The following ANKFN1 variants were observed in gnomAD, a reference collection of about 807,000 sequenced individuals.
ANKFN1 encodes ankyrin repeat and fibronectin type III domain containing 1, also known as ankyrin repeat and fibronectin type-III domain-containing protein 1.
Under a neutral mutation model 108.7 loss-of-function variants are expected in ANKFN1, and 74 were observed. The observed-to-expected ratio is 0.68, with a 90% CI of 0.56 to 0.83. The LOEUF (loss-of-function observed/expected upper bound fraction) is 0.83, where lower values mean the gene tolerates loss of function less well. ANKFN1 is among the 40% of genes least tolerant of loss of function. ANKFN1 has a pLI of 0.00. For missense variants in ANKFN1, 1,505 were observed against 1,382.3 expected (o/e 1.09, Z -1.41); for synonymous variants, 547 against 516.2 (o/e 1.06, Z -0.81).
intron 8 of ANKFN1, among the ~76,000 whole-genome samples, chr17:56,418,764 A>G (rs1055728124): frequency 1.3e-5 from 2 of 151,674 alleles, no homozygotes; most frequent in Non-Finnish European, 2.9e-5. Flanking sequence ...CTCCCAGTTC[A>G]TTATATTTCC....
chr17:56,159,952 CAGGGCAGG>C (rs1026360468), intron 1 of ANKFN1, among the ~76,000 whole-genome samples: 2 of 118,474 alleles, frequency 1.7e-5, no homozygotes, highest in African/African-American at 6.6e-5. Context: ...GGGGTGGGGG[CAGGGCAGG>C]AGGGCAGGGC....
chr17:56,127,602 C>A (rs1486362455), intron 4 of ANKFN1, among the ~76,000 whole-genome samples: 1 of 152,100 alleles, frequency 6.6e-6, no homozygotes, highest in Non-Finnish European at 1.5e-5. Flanking sequence ...GTGTGAGCCA[C>A]CGCACCCGGC....
intron 8 of ANKFN1, among the ~76,000 whole-genome samples, chr17:56,381,698 G>T (rs1018019635): frequency 3.3e-5 from 5 of 152,158 alleles, no homozygotes; most frequent in Non-Finnish European, 5.9e-5. Flanking sequence ...GATAGAAGAT[G>T]AAATGAATGA....
intron 1 of ANKFN1, among the ~76,000 whole-genome samples, chr17:56,172,117 GGTAA>G (rs1413212870): frequency 2.0e-5 from 3 of 152,192 alleles, no homozygotes; most frequent in East Asian, 1.9e-4. Flanking sequence ...TTTTCTGAAA[GGTAA>G]GTATTATTAT....
chr17:56,475,449 C>A (rs775315338), intron 15 of ANKFN1, among the ~76,000 whole-genome samples: 2 of 152,110 alleles, frequency 1.3e-5, no homozygotes, highest in Non-Finnish European at 2.9e-5. Context: ...GTTAATTCTA[C>A]AGAGGAAAGA....
At chr17:56,350,105 TGAA>T (rs1457009920) in intron 4 of ANKFN1, among the ~76,000 whole-genome samples, 1 of 152,112 alleles carries the variant, frequency 6.6e-6, no homozygotes, top group East Asian at 1.9e-4. Flanking sequence ...AAGTACTAAT[TGAA>T]GAATGCCAGT....
intron 3 of ANKFN1, among the ~76,000 whole-genome samples, chr17:56,289,722 T>C (rs112354087): frequency 9.8e-4 from 149 of 152,330 alleles, no homozygotes; most frequent in African/African-American, 3.4e-3. Context: ...GAAGCCCACA[T>C]TGGCCCCGTT....
At chr17:56,293,837 G>T (rs1215332911) in intron 3 of ANKFN1, among the ~76,000 whole-genome samples, 3 of 152,114 alleles carry the variant, frequency 2.0e-5, no homozygotes, top group Non-Finnish European at 4.4e-5. Flanking sequence ...GAGAGAGCTG[G>T]GCCCTAATTA....
chr17:56,128,416 T>C (rs991460917), intron 4 of ANKFN1, among the ~76,000 whole-genome samples: 1 of 152,208 alleles, frequency 6.6e-6, no homozygotes, highest in African/African-American at 2.4e-5. Flanking sequence ...ATCAGGAGTG[T>C]TGCCCCTTAG....
chr17:56,440,414 G>T lies in ANKFN1; in HGVS notation c.998G>T (p.Gly333Val). Residue 333 changes from glycine (G) to valine (V), a missense_variant, in exon 9 of 21, where the codon GGA becomes GTA. Physicochemically the swap from Gly to Val is moderately radical, Grantham distance 109. Coordinates refer to ENST00000682825, the MANE Select transcript of ANKFN1 (RefSeq NM_001370326.1). The stretch of plus-strand genomic sequence containing the variant: ...CAGACTCTGAGATGCACAATCACAG[G>T]ACTTACAATGGTAAATGTCCCCAGT... ...NLQTLRCTITGLTMGQQYFVQ... is the reference protein window; with the variant it reads ...NLQTLRCTITVLTMGQQYFVQ... 1 of 1,609,722 alleles carries T rather than the reference G, an allele frequency of 6.2e-7. No homozygotes were observed. The highest frequency in any genetic ancestry group is 8.5e-7 in the Non-Finnish European group (1 of 1,176,764).
Position 56,367,015 on chromosome 17 carries a change from G to A in ANKFN1, c.602-5631G>A, listed in dbSNP as rs1259265764. ...ACTAAAGGGGAGGTAACTGAGGTTG[G>A]TTGTAAGGTATCCTTCTAACTCTGA... On this transcript the variant is annotated intron_variant, in intron 6 of 20. Coordinates refer to ENST00000682825, the MANE Select transcript of ANKFN1 (RefSeq NM_001370326.1). Among the ~76,000 whole-genome samples, 2 of 152,198 alleles carry A rather than the reference G, an allele frequency of 1.3e-5. 1 individual carries two copies. Among genetic ancestry groups the A allele is most frequent in the South Asian group, 4.1e-4 (2 of 4,824 alleles).
chr17:56,173,760 C>T (rs1021563107), intron 1 of ANKFN1, among the ~76,000 whole-genome samples: 2 of 152,164 alleles, frequency 1.3e-5, no homozygotes, highest in Non-Finnish European at 2.9e-5. Flanking sequence ...CCACACCCAG[C>T]CAGATTTTTG....
intron 4 of ANKFN1, among the ~76,000 whole-genome samples, chr17:56,124,791 G>C (rs1249231165): frequency 2.6e-5 from 4 of 152,152 alleles, no homozygotes; most frequent in Admixed American, 6.5e-5. Flanking sequence ...TTATTCATTT[G>C]CCATTACCAA....
chr17:56,430,013 G>A (rs1300769092), intron 8 of ANKFN1, among the ~76,000 whole-genome samples: 1 of 152,144 alleles, frequency 6.6e-6, no homozygotes, highest in East Asian at 1.9e-4. Flanking sequence ...TGAAGTTGAT[G>A]GACCATGAGT....
At chr17:56,357,413 G>A (rs1252509546) in intron 6 of ANKFN1, among the ~76,000 whole-genome samples, 1 of 152,190 alleles carries the variant, frequency 6.6e-6, no homozygotes. Flanking sequence ...AGGGACTCAG[G>A]CCCGGATCTG....
chr17:56,057,886 CATCGGA>C (rs1314279399), intron 4 of ANKFN1, among the ~76,000 whole-genome samples: 1 of 152,268 alleles, frequency 6.6e-6, no homozygotes, highest in East Asian at 1.9e-4. Context: ...TCTAGATCTC[CATCGGA>C]GATCATCTTC....
At chr17:56,322,340 C>T (rs1202427007) in intron 3 of ANKFN1, among the ~76,000 whole-genome samples, 2 of 152,122 alleles carry the variant, frequency 1.3e-5, no homozygotes, top group Non-Finnish European at 2.9e-5. Flanking sequence ...AGACTTTCAT[C>T]TCCTAATTTA....
rs147463784 is a variant in ANKFN1 at position 56,257,436 on chromosome 17, G to C, written c.53+29479G>C. On this transcript the variant is annotated intron_variant, in intron 3 of 20. Transcript: ENST00000682825. Reference sequence around the variant, plus strand: ...TGGCCCTTCAACATTAACAGTCTCTGTCTTGCTCATACATCTGGAAAAAGA... The same window carrying C: ...TGGCCCTTCAACATTAACAGTCTCTCTCTTGCTCATACATCTGGAAAAAGA... 1.6e-4 allele frequency among the ~76,000 whole-genome samples: 25 copies of C among 152,324 alleles called. No homozygotes were observed. The East Asian group carries it at 4.8e-3, about 29-fold the overall frequency.
chr17:56,163,492 A>G (rs940892377), intron 1 of ANKFN1, among the ~76,000 whole-genome samples: 15 of 152,174 alleles, frequency 9.9e-5, no homozygotes, highest in African/African-American at 3.4e-4. Flanking sequence ...TAATTCTGTG[A>G]TTCACATTTT....
Sources: allele counts gnomAD v4.1 joint callset (sites outside exome capture counted in the v4.1 genomes callset), GRCh38; gene constraint gnomAD v4.1.1; transcripts MANE v1.5; gene names NCBI Gene and HGNC (gene_info 2026-07-23, HGNC 2026-07-21).